NCKAP5L: variants seen among roughly 807,000 people sequenced by gnomAD.
The protein encoded by NCKAP5L is NCK associated protein 5 like, also known as nck-associated protein 5-like.
Under a neutral mutation model 103.2 loss-of-function variants are expected in NCKAP5L, and 54 were observed. That is an observed-to-expected ratio of 0.52 (90% CI 0.42 to 0.66). The LOEUF (loss-of-function observed/expected upper bound fraction) is 0.66, where lower values mean the gene tolerates loss of function less well. Ranked by LOEUF, NCKAP5L falls within the 30% of genes least tolerant of loss-of-function variation. NCKAP5L has a pLI of 0.00. For missense variants in NCKAP5L, 1,733 were observed against 1,750.6 expected (o/e 0.99, Z 0.18); for synonymous variants, 762 against 748.6 (o/e 1.02, Z -0.29).
In NCKAP5L at chr12:49,791,686, G is replaced by A; in HGVS notation, c.*153C>T. ...CTCATCCGCCGAAGCAGTGGGTGGTGGGGTGTGCCAGGGACCCCCTTTTCA... is the reference window on the plus strand; with the variant it reads ...CTCATCCGCCGAAGCAGTGGGTGGTAGGGTGTGCCAGGGACCCCCTTTTCA... On this transcript the variant is annotated 3_prime_UTR_variant, in exon 13 of 13. Coordinates refer to ENST00000335999, the MANE Select transcript of NCKAP5L (RefSeq NM_001037806.4). 1 of 621,404 alleles carries A rather than the reference G, an allele frequency of 1.6e-6. No homozygotes were observed. Among genetic ancestry groups the A allele is most frequent in the Non-Finnish European group, 2.7e-6 (1 of 368,986 alleles). 38.5% of individuals were successfully genotyped at this position (621,404 alleles called of 1,614,324 possible).
chr12:49,802,111 A>G, intron 5 of NCKAP5L, 144 bp from the exon 6 acceptor site: 1 of 913,542 alleles, frequency 1.1e-6, no homozygotes, highest in Non-Finnish European at 1.6e-6. Flanking sequence ...TCCTTCTATG[A>G]GGAATCTAAG....
In NCKAP5L at chr12:49,792,528, G is replaced by A; in HGVS notation, c.3710C>T (p.Pro1237Leu). 6.2e-7 allele frequency: 1 copy of A among 1,613,800 alleles called. No homozygotes were observed. Among genetic ancestry groups the A allele is most frequent in the Non-Finnish European group, 8.5e-7 (1 of 1,179,800 alleles). The change falls in exon 12 of 13, where the codon CCC (proline) becomes CTC (leucine). Residue 1237 changes from proline to leucine, a missense_variant. Pro to Leu is a moderately conservative substitution (Grantham distance 98, BLOSUM62 -3). Coordinates refer to ENST00000335999, the MANE Select transcript of NCKAP5L (RefSeq NM_001037806.4). The surrounding 1 kb of genome is among the most constrained non-coding windows in gnomAD (Gnocchi z 4.5). ...GGAGCTGCCGGCTGCCCTAGTATTG[G>A]GGAAGGTCCAGTTCTTGGCCAGCTG... ...PVQLAKNWTF[P>L]NTRAAGSSSD... is the part of the protein sequence containing the mutation.
chr12:49,800,412 G>GCCCTGTC (rs1946105844), intron 6 of NCKAP5L, among the ~76,000 whole-genome samples: 2 of 152,326 alleles, frequency 1.3e-5, no homozygotes, highest in African/African-American at 4.8e-5. Flanking sequence ...GCCTTGTGAT[G>GCCCTGTC]CAGTCCAATT....
chr12:49,814,432 C>T (rs556064672), intron 1 of NCKAP5L, among the ~76,000 whole-genome samples: 12 of 147,524 alleles, frequency 8.1e-5, no homozygotes, highest in African/African-American at 2.5e-4. Flanking sequence ...TGCAGTGAGC[C>T]GAGATAGTGC....
In NCKAP5L at chr12:49,791,750, G is replaced by T; in HGVS notation, c.*89C>A. 1 of 1,228,090 alleles carries T rather than the reference G, an allele frequency of 8.1e-7. No homozygotes were observed. The highest frequency in any genetic ancestry group is 1.1e-6 in the Non-Finnish European group (1 of 900,110). 76.1% of individuals were successfully genotyped at this position (1,228,090 alleles called of 1,614,324 possible). The stretch of plus-strand genomic sequence containing the variant: ...CTGCCTCCTTGGTCCCTTCAGGGAG[G>T]GGTCCCCGTCTCCGGGGGCTGGGCA... On this transcript the variant is annotated 3_prime_UTR_variant, in exon 13 of 13. Coordinates refer to ENST00000335999, the MANE Select transcript of NCKAP5L (RefSeq NM_001037806.4).
chr12:49,826,202 A>C (rs552904675), intron 1 of NCKAP5L, among the ~76,000 whole-genome samples: 1 of 152,176 alleles, frequency 6.6e-6, no homozygotes, highest in East Asian at 1.9e-4. Context: ...TCCTCCTATA[A>C]GAGGGCGGGT....
chr12:49,793,853 T>G lies in NCKAP5L; in HGVS notation c.3139A>C (p.Lys1047Gln). Residue 1047 changes from lysine (K) to glutamine (Q), a missense_variant, in exon 9 of 13, where the codon AAG (lysine) becomes CAG (glutamine). Transcript: ENST00000335999. ...GGCTGGAAATCCCCGTACTCAGGCT[T>G]GGGCTCCCGCCAGCTCTTGGATGGC... The part of the protein sequence containing the change: ...ELPSKSWREP[K>Q]PEYGDFQPVS... 1.3e-6 allele frequency: 2 copies of G among 1,576,256 alleles called. No individual in the cohort carries two copies. Among genetic ancestry groups the G allele is most frequent in the South Asian group, 1.2e-5 (1 of 85,434 alleles).
intron 3 of NCKAP5L, 99 bp downstream of exon 3, chr12:49,803,823 T>C (rs1946148855): frequency 6.8e-7 from 1 of 1,472,344 alleles, no homozygotes. Context: ...GGAAGGCCCA[T>C]GGCACCCAAA....
intron 1 of NCKAP5L, among the ~76,000 whole-genome samples, chr12:49,812,682 C>T (rs530885333): frequency 6.2e-4 from 94 of 152,292 alleles, no homozygotes; most frequent in African/African-American, 2.1e-3. Context: ...ACCCAGCCTC[C>T]ATTCCTTTGT....
chr12:49,813,298 G>T (rs1387393623), intron 1 of NCKAP5L, among the ~76,000 whole-genome samples: 2 of 152,260 alleles, frequency 1.3e-5, no homozygotes, highest in East Asian at 3.9e-4. Flanking sequence ...TCTCCATACC[G>T]TCACCACTTA....
chr12:49,799,698 C>T (rs1946098106), intron 6 of NCKAP5L, among the ~76,000 whole-genome samples: 2 of 152,344 alleles, frequency 1.3e-5, no homozygotes, highest in East Asian at 3.9e-4. Context: ...GTGAACTCCT[C>T]TGCAGGCATT....
intron 1 of NCKAP5L, among the ~76,000 whole-genome samples, chr12:49,819,733 G>A (rs1346427989): frequency 2.0e-5 from 3 of 152,250 alleles, no homozygotes; most frequent in Non-Finnish European, 4.4e-5. Flanking sequence ...ATAGATAGCT[G>A]TACTATGAAG....
rs1945936805 is a variant in NCKAP5L at position 49,791,724 on chromosome 12, C to T, written c.*115G>A. ...GACCCCCTTTTCACCTTCTTATCCA[C>T]CTGCCTCCTTGGTCCCTTCAGGGAG... On this transcript the variant is annotated 3_prime_UTR_variant, in exon 13 of 13. Coordinates refer to ENST00000335999, the MANE Select transcript of NCKAP5L (RefSeq NM_001037806.4). The T allele has an allele frequency of 3.4e-6, 3 of 878,254 alleles. No homozygotes were observed. Among genetic ancestry groups the T allele is most frequent in the Admixed American group, 6.3e-5 (2 of 31,646 alleles). 54.4% of individuals were successfully genotyped at this position (878,254 alleles called of 1,614,324 possible). A position where few individuals can be genotyped will look rare whatever the true frequency, so the allele number is the denominator to read the frequency against.
rs567886776 is a variant in NCKAP5L, at chr12:49,819,349, T to G, written c.-99+8973A>C. Among the ~76,000 whole-genome samples, 9 of 151,998 alleles carry G rather than the reference T, an allele frequency of 5.9e-5. 1 individual carries two copies. The South Asian group carries it at 1.9e-3, about 31-fold the overall frequency. On this transcript the variant is annotated intron_variant, in intron 1 of 12. Coordinates refer to ENST00000335999, the MANE Select transcript of NCKAP5L (RefSeq NM_001037806.4). ...AAAATTAAAAACCCTTAAATAGAAC[T>G]ACCATTAAATCAGGATGTTGAAGAG... is the stretch of plus-strand genomic sequence containing the variant.
In NCKAP5L at chr12:49,797,020, A is replaced by T; in HGVS notation, c.840T>A (p.Pro280=). 6.3e-7 allele frequency: 1 copy of T among 1,579,188 alleles called. No individual in the cohort carries two copies. The highest frequency in any genetic ancestry group is 8.6e-7 in the Non-Finnish European group (1 of 1,163,166). The change falls in exon 8 of 13, where the codon CCT becomes CCA. Residue 280 remains proline, a synonymous_variant. Coordinates refer to ENST00000335999, the MANE Select transcript of NCKAP5L (RefSeq NM_001037806.4). This position sits in a 1 kb window ranked among gnomAD's most constrained non-coding sequence, Gnocchi z 4.5. The part of the protein sequence containing the change: ...TGRPWGPSRG[P]PQAQGTSSGP... ...CAGAGCTGGTGCCCTGGGCCTGAGG[A>T]GGTCCCCTGCTAGGACCCCAGGGCC...
chr12:49,807,325 C>T (rs1334266603), intron 1 of NCKAP5L, among the ~76,000 whole-genome samples: 1 of 151,762 alleles, frequency 6.6e-6, no homozygotes, highest in Non-Finnish European at 1.5e-5. Context: ...AAAAGGAAGA[C>T]CTGTTTAATA....
In NCKAP5L at chr12:49,796,352, C is replaced by A. The variant is rs778419203; in HGVS notation, c.1508G>T (p.Arg503Leu). 6 of 1,565,524 alleles carry A rather than the reference C, an allele frequency of 3.8e-6. No individual in the cohort carries two copies. The highest frequency in any genetic ancestry group is 5.2e-6 in the Non-Finnish European group (6 of 1,156,998). ...SDGSPSPLLA[R>L]RGLGGGELSP... ...CAGCTCTCCTCCACCCAGACCCCTT[C>A]GGGCCAACAGTGGGGAGGGGCTGCC... Residue 503 changes from arginine to leucine, a missense_variant, in exon 8 of 13, where the codon CGA becomes CTA. By Grantham distance (102) the Arg-to-Leu change is moderately radical. Coordinates refer to ENST00000335999, the MANE Select transcript of NCKAP5L (RefSeq NM_001037806.4).
In NCKAP5L at chr12:49,795,288, C is replaced by A. The variant is rs1171974845; in HGVS notation, c.2572G>T (p.Ala858Ser). 5 of 1,530,162 alleles carry A rather than the reference C, an allele frequency of 3.3e-6. No individual in the cohort carries two copies. Among genetic ancestry groups the A allele is most frequent in the Non-Finnish European group, 4.4e-6 (5 of 1,141,018 alleles). The allele number at this position is 1,530,162 out of a possible 1,614,324, so 94.8% of individuals were successfully genotyped here. A position where few individuals can be genotyped will look rare whatever the true frequency, so the allele number is the denominator to read the frequency against. ...PPWADCGSTTAQSTPLVPGPT... is the reference protein window; with the variant it reads ...PPWADCGSTTSQSTPLVPGPT... ...CCAGGTACTAGGGGTGTGGACTGGG[C>A]CGTGGTACTACCACAGTCTGCCCAG... Residue 858 changes from alanine (A) to serine (S), a missense_variant, in exon 8 of 13, where the codon GCC becomes TCC. Transcript: ENST00000335999.
chr12:49,816,528 G>A (rs1022697157), intron 1 of NCKAP5L, among the ~76,000 whole-genome samples: 4 of 147,252 alleles, frequency 2.7e-5, no homozygotes, highest in Admixed American at 6.7e-5. Flanking sequence ...GGCTGGACGC[G>A]GTGGCTCATG....
Sources: gnomAD v4.1 joint callset for allele counts (sites outside exome capture counted in the v4.1 genomes callset) on GRCh38, gnomAD v4.1.1 for gene constraint, Gnocchi (gnomAD v3.1) non-coding constraint, MANE v1.5 for transcripts, NCBI Gene and HGNC (gene_info 2026-07-23, HGNC 2026-07-21) for gene names.